Variants in WDR93 observed in about 807,000 individuals in gnomAD.
The protein encoded by WDR93 is WD repeat domain 93, also known as WD repeat-containing protein 93.
WDR93 carries 73 observed loss-of-function variants against 82.9 expected under a neutral mutation model. That is an observed-to-expected ratio of 0.88 (90% CI 0.73 to 1.07). The LOEUF is 1.07. WDR93 is among the 50% of genes least tolerant of loss of function. WDR93 has a pLI of 0.00. For missense variants in WDR93, 738 were observed against 826.0 expected, an observed-to-expected ratio of 0.89 and a Z score of 1.31; for synonymous variants, 283 against 300.1, an observed-to-expected ratio of 0.94 and a Z score of 0.59.
At chr15:89,692,969 T>C (rs765339142) in intron 1 of WDR93, among the ~76,000 whole-genome samples, 3 of 152,134 alleles carry the variant, frequency 2.0e-5, no homozygotes, top group Non-Finnish European at 2.9e-5. Flanking sequence ...TTGAATCATA[T>C]AGTATGTAGC....
Position 89,733,215 on chromosome 15 carries a change from G to T in WDR93, c.1540G>T (p.Glu514Ter). Residue 514 changes from glutamate (E) to a stop codon, truncating the protein, a stop_gained, in exon 13 of 17, where the codon GAG becomes TAG. Transcript: ENST00000268130. LOFTEE classifies it high-confidence loss of function. ...AGGACCCACCATCAGTGTGCTTGTT[G>T]AGAGGTCAGTAGCTTGAGGGTGGGA... ...TQGPTISVLV[E>*]RPVKHLDKTI... 1.2e-6 allele frequency: 2 copies of T among 1,613,424 alleles called. No homozygotes were observed. The highest frequency in any genetic ancestry group is 2.2e-5 in the South Asian group (2 of 91,022).
At chr15:89,720,660 G>A (rs566810102) in intron 7 of WDR93, among the ~76,000 whole-genome samples, 20 of 152,276 alleles carry the variant, frequency 1.3e-4, no homozygotes, top group Middle Eastern at 3.4e-3. Context: ...CATAAAATCC[G>A]TTGTGATCAG....
chr15:89,711,329 A>G (rs79646153), intron 4 of WDR93, among the ~76,000 whole-genome samples: 1 of 152,250 alleles, frequency 6.6e-6, no homozygotes, highest in East Asian at 1.9e-4. Flanking sequence ...CAAACAGAAA[A>G]ACAAATGAGG....
intron 7 of WDR93, 72 bp from the exon 8 acceptor site, chr15:89,721,983 A>T: frequency 9.6e-7 from 1 of 1,036,364 alleles, no homozygotes; most frequent in Non-Finnish European, 1.4e-6. Context: ...CCTTCTTTTA[A>T]AATTAGTATT....
upstream of WDR93, chr15:89,690,509 G>A: frequency 1.7e-6 from 2 of 1,188,956 alleles, no homozygotes; most frequent in African/African-American, 1.5e-5. Context: ...TTTCCCGGGT[G>A]CAGGGGAATA....
intron 6 of WDR93, among the ~76,000 whole-genome samples, chr15:89,715,717 G>C (rs1040711063): frequency 3.3e-5 from 5 of 152,046 alleles, no homozygotes; most frequent in Non-Finnish European, 7.4e-5. Flanking sequence ...CTGAGTAGCT[G>C]GGACTACAGG....
intron 2 of WDR93, among the ~76,000 whole-genome samples, chr15:89,702,625 C>T (rs562998680): frequency 7.2e-4 from 109 of 151,190 alleles, no homozygotes; most frequent in African/African-American, 2.5e-3. Context: ...CTGTAACCTC[C>T]GCCTCCCAGG....
At chr15:89,706,746 A>T (rs573675900) in intron 4 of WDR93, among the ~76,000 whole-genome samples, 39 of 152,210 alleles carry the variant, frequency 2.6e-4, no homozygotes, top group Non-Finnish European at 4.4e-4. Context: ...AGCACTAATC[A>T]TAAAAGAAAA....
intron 16 of WDR93, among the ~76,000 whole-genome samples, chr15:89,739,319 C>G (rs1379414660): frequency 1.3e-5 from 2 of 152,180 alleles, no homozygotes; most frequent in African/African-American, 4.8e-5. Flanking sequence ...AAGGAGACAG[C>G]ATGACCTATA....
chr15:89,701,370 A>G (rs1216357508), intron 1 of WDR93, among the ~76,000 whole-genome samples: 1 of 152,172 alleles, frequency 6.6e-6, no homozygotes, highest in African/African-American at 2.4e-5. Flanking sequence ...TGCAGAGAGA[A>G]AGAGAATGAG....
At chr15:89,732,615 C>CCACACACACACACACA (rs58806438) in intron 12 of WDR93, among the ~76,000 whole-genome samples, 5 of 148,560 alleles carry the variant, frequency 3.4e-5, no homozygotes, top group African/African-American at 4.9e-5. Flanking sequence ...TGTTGTTTGG[C>CCACACACACACACACA]CACACACACA....
intron 16 of WDR93, among the ~76,000 whole-genome samples, chr15:89,740,140 C>G (rs1967539731): frequency 6.6e-6 from 1 of 152,198 alleles, no homozygotes; most frequent in Non-Finnish European, 1.5e-5. Flanking sequence ...AAGTACCAGG[C>G]ACAGAGTGGT....
intron 7 of WDR93, among the ~76,000 whole-genome samples, chr15:89,720,236 A>C (rs2141657256): frequency 6.6e-6 from 1 of 152,260 alleles, no homozygotes; most frequent in Non-Finnish European, 1.5e-5. Flanking sequence ...AAAGTACTTT[A>C]TAATTTGCTT....
intron 4 of WDR93, among the ~76,000 whole-genome samples, chr15:89,710,165 A>G (rs933740063): frequency 4.6e-5 from 7 of 152,222 alleles, no homozygotes; most frequent in African/African-American, 1.7e-4. Context: ...GTCTCAAAAC[A>G]AAAACAAAAA....
Position 89,701,987 on chromosome 15 carries a change from C to A in WDR93, c.241C>A (p.Leu81Met), listed in dbSNP as rs1483941874. The change falls in exon 2 of 17, where the codon CTG becomes ATG. Residue 81 changes from leucine (L) to methionine (M), a missense_variant. Physicochemically the swap from Leu to Met is conservative, Grantham distance 15. Transcript: ENST00000268130. ...GGAAATTATTGAAGAGAGAAACGCA[C>A]TGAGGGAAGCTGAGAGCAGCCAGAT... is the stretch of plus-strand genomic sequence containing the variant. ...SWEIIEERNALREAESSQIQP... is the reference protein window; with the variant it reads ...SWEIIEERNAMREAESSQIQP... 2.5e-6 allele frequency: 4 copies of A among 1,613,256 alleles called. No individual in the cohort carries two copies. The highest frequency in any genetic ancestry group is 3.4e-6 in the Non-Finnish European group (4 of 1,180,008).
intron 13 of WDR93, among the ~76,000 whole-genome samples, chr15:89,733,467 A>G (rs1010675698): frequency 4.6e-5 from 7 of 152,092 alleles, no homozygotes; most frequent in African/African-American, 1.7e-4. Context: ...TGAAAACTCA[A>G]TCCCCATTGT....
chr15:89,716,834 A>C, intron 6 of WDR93, 77 bp from the exon 7 acceptor site: 2 of 994,174 alleles, frequency 2.0e-6, no homozygotes, highest in Non-Finnish European at 3.1e-6. Context: ...GGGAAGAGAG[A>C]GCATGCCAGA....
intron 1 of WDR93, among the ~76,000 whole-genome samples, chr15:89,694,252 T>TC (rs1965045311): frequency 6.8e-6 from 1 of 147,530 alleles, no homozygotes; most frequent in African/African-American, 2.5e-5. Flanking sequence ...TTATTTCTTT[T>TC]TTTTTTTTTT....
In WDR93 at chr15:89,702,991, T is replaced by G; in HGVS notation, c.345T>G (p.Tyr115Ter). The change falls in exon 3 of 17, where the codon TAT becomes TAG. Residue 115 changes from tyrosine (Y) to a stop codon, truncating the protein, a stop_gained. Coordinates refer to ENST00000268130, the MANE Select transcript of WDR93 (RefSeq NM_020212.2). LOFTEE classifies it high-confidence loss of function. ...ATTGTATGGCTGTTTCCCAAGACTA[T>G]GTGTTTATTGGAGGAGCCAAAGGAT... ...MPNCMAVSQD[Y>*]VFIGGAKGFS... The G allele has an allele frequency of 6.2e-7, 1 of 1,614,188 alleles. No individual in the cohort carries two copies. Among genetic ancestry groups the G allele is most frequent in the Non-Finnish European group, 8.5e-7 (1 of 1,180,024 alleles).
Sources: allele counts gnomAD v4.1 joint callset (sites outside exome capture counted in the v4.1 genomes callset), GRCh38; gene constraint gnomAD v4.1.1; transcripts MANE v1.5; gene names NCBI Gene and HGNC (gene_info 2026-07-23, HGNC 2026-07-21).